Variants in ITPR1 observed in about 807,000 individuals in gnomAD.
ITPR1 encodes inositol 1,4,5-trisphosphate-gated calcium channel ITPR1.
A neutral mutation model predicts 318.4 loss-of-function variants in ITPR1; 96 were observed. The ratio of observed to expected loss-of-function variants is 0.30; its 90% CI spans 0.26 to 0.36. The LOEUF (loss-of-function observed/expected upper bound fraction) is 0.36. Among genes scored for constraint, ITPR1 ranks in the 10% least tolerant of loss-of-function variants. ITPR1 has a pLI of 1.00. For missense variants in ITPR1, 2,440 were observed against 3,460.2 expected (o/e 0.71, Z 7.40); for synonymous variants, 1,312 against 1,289.9 (o/e 1.02, Z -0.37).
chr3:4,758,438 G>T (rs2045177897), intron 44 of ITPR1, among the ~76,000 whole-genome samples: 1 of 152,166 alleles, frequency 6.6e-6, no homozygotes, highest in Non-Finnish European at 1.5e-5. Flanking sequence ...CCACAAAGGG[G>T]CTCCTCCCCT....
intron 44 of ITPR1, among the ~76,000 whole-genome samples, chr3:4,762,996 A>T (rs1375059475): frequency 1.3e-5 from 2 of 152,264 alleles, no homozygotes; most frequent in African/African-American, 4.8e-5. Flanking sequence ...CTATGCAGCC[A>T]TAAAATGTGG....
At chr3:4,696,543 G>A (rs2094560539) in intron 33 of ITPR1, among the ~76,000 whole-genome samples, 1 of 152,108 alleles carries the variant, frequency 6.6e-6, no homozygotes, top group Non-Finnish European at 1.5e-5. Context: ...TCCGCTTTTT[G>A]ACTATTGTGA....
intron 2 of ITPR1, among the ~76,000 whole-genome samples, chr3:4,506,498 C>T (rs567838505): frequency 6.6e-6 from 1 of 152,098 alleles, no homozygotes; most frequent in Non-Finnish European, 1.5e-5. Flanking sequence ...ATCATATCAC[C>T]AGTTTTAATT....
chr3:4,570,474 G>A (rs1192864848), intron 4 of ITPR1, among the ~76,000 whole-genome samples: 1 of 152,170 alleles, frequency 6.6e-6, no homozygotes, highest in Non-Finnish European at 1.5e-5. Flanking sequence ...TATGCTACAA[G>A]AATTAAAGAC....
intron 55 of ITPR1, among the ~76,000 whole-genome samples, chr3:4,808,883 C>T (rs1054162692): frequency 1.4e-4 from 22 of 152,202 alleles, no homozygotes; most frequent in Admixed American, 3.3e-4. Flanking sequence ...AAAGACTGGC[C>T]GGACCTGGTC....
At chr3:4,641,621 C>G (rs915256114) in intron 6 of ITPR1, among the ~76,000 whole-genome samples, 1 of 152,242 alleles carries the variant, frequency 6.6e-6, no homozygotes, top group Non-Finnish European at 1.5e-5. Context: ...AGCAGTCCTT[C>G]TGCCTCTGCC....
chr3:4,833,086 G>A (rs1159868037), intron 60 of ITPR1, among the ~76,000 whole-genome samples: 1 of 152,222 alleles, frequency 6.6e-6, no homozygotes, highest in Non-Finnish European at 1.5e-5. Flanking sequence ...TAGATCCTCA[G>A]CGCTCAACCC....
intron 24 of ITPR1, among the ~76,000 whole-genome samples, chr3:4,678,652 G>A (rs1273559743): frequency 1.3e-5 from 2 of 152,190 alleles, no homozygotes; most frequent in South Asian, 2.1e-4. Context: ...ACTGGAGTCC[G>A]GGAGTGGGGT....
At chr3:4,691,467 T>A (rs192061055) in intron 32 of ITPR1, 123 bp downstream of exon 32, 3 of 650,584 alleles carry the variant, frequency 4.6e-6, no homozygotes, top group African/African-American at 3.6e-5. Context: ...AGAAAGTAAT[T>A]GTGTGTGCAT....
chr3:4,609,171 G>A (rs2091930846), intron 4 of ITPR1, among the ~76,000 whole-genome samples: 1 of 146,624 alleles, frequency 6.8e-6, no homozygotes, highest in Admixed American at 6.9e-5. Context: ...GGTCATTCTT[G>A]AGGTGCCATC....
At chr3:4,499,348 T>A (rs1483584374) in intron 2 of ITPR1, among the ~76,000 whole-genome samples, 1 of 152,220 alleles carries the variant, frequency 6.6e-6, no homozygotes, top group Non-Finnish European at 1.5e-5. Context: ...ACAGTATCTC[T>A]CATTTGGTAA....
intron 60 of ITPR1, among the ~76,000 whole-genome samples, chr3:4,834,615 C>A (rs1207531017): frequency 5.3e-5 from 8 of 152,112 alleles, no homozygotes; most frequent in African/African-American, 1.9e-4. Flanking sequence ...GTTTCCTCCT[C>A]AGAGTTGCAT....
intron 2 of ITPR1, among the ~76,000 whole-genome samples, chr3:4,497,831 T>TAAAC (rs10668243): frequency 0.93 from 140,945 of 152,086 alleles, 65,435 homozygotes; most frequent in East Asian, 1. Flanking sequence ...AATGAACAGA[T>TAAAC]AAAATGTGAA....
intron 26 of ITPR1, among the ~76,000 whole-genome samples, chr3:4,683,120 A>T (rs1299807639): frequency 6.6e-6 from 1 of 152,250 alleles, no homozygotes; most frequent in Non-Finnish European, 1.5e-5. Context: ...CCCTATGTAG[A>T]TGTTGAGAAT....
intron 2 of ITPR1, among the ~76,000 whole-genome samples, chr3:4,505,589 G>A (rs1335169921): frequency 6.6e-6 from 1 of 152,226 alleles, no homozygotes; most frequent in Non-Finnish European, 1.5e-5. Flanking sequence ...TTTAGGAGGT[G>A]GAGGTAGTGT....
intron 44 of ITPR1, among the ~76,000 whole-genome samples, chr3:4,764,172 TGA>T (rs879619030): frequency 0.029 from 4,425 of 152,340 alleles, 88 homozygotes; most frequent in South Asian, 0.063. Context: ...TTTGCCCCCA[TGA>T]TTTTTTTGTC....
In ITPR1 at chr3:4,789,809, G is replaced by A. The variant is rs771712295; in HGVS notation, c.6808+1670G>A. Among the ~76,000 whole-genome samples, 77 of 152,048 alleles carry A rather than the reference G, an allele frequency of 5.1e-4. 1 individual carries two copies. Among genetic ancestry groups the A allele is most frequent in the Admixed American group, 1.8e-3 (27 of 15,276 alleles). ...TAATTTTTGTATTTGTAATAGAGAT[G>A]GGGCTTCACCATGTTGGCCAGGAGG... is the stretch of plus-strand genomic sequence containing the variant. On this transcript the variant is annotated intron_variant, in intron 52 of 61. Transcript: ENST00000649015.
At chr3:4,806,820 A>T (rs1280328462) in intron 55 of ITPR1, among the ~76,000 whole-genome samples, 2 of 152,268 alleles carry the variant, frequency 1.3e-5, no homozygotes, top group Admixed American at 6.5e-5. Context: ...TCTGTAAGAC[A>T]AGCTGGTTCC....
At chr3:4,676,197 T>C (rs1172594110) in intron 23 of ITPR1, among the ~76,000 whole-genome samples, 1 of 149,180 alleles carries the variant, frequency 6.7e-6, no homozygotes, top group African/African-American at 2.5e-5. Context: ...AAAAAAAAAT[T>C]AGCTGGGTGT....
Sources: gnomAD v4.1 joint callset for allele counts (sites outside exome capture counted in the v4.1 genomes callset) on GRCh38, gnomAD v4.1.1 for gene constraint, MANE v1.5 for transcripts, NCBI Gene and HGNC (gene_info 2026-07-23, HGNC 2026-07-21) for gene names.